GRIK2: variants seen among roughly 807,000 people sequenced by gnomAD.
GRIK2 encodes the protein glutamate ionotropic receptor kainate type subunit 2, also known as glutamate receptor ionotropic, kainate 2.
In GRIK2, 32 loss-of-function variants were observed where a neutral mutation model predicts 100.3. The ratio of observed to expected loss-of-function variants is 0.32; its 90% CI spans 0.24 to 0.43. The LOEUF (loss-of-function observed/expected upper bound fraction) is 0.43, where lower values mean the gene tolerates loss of function less well. GRIK2 is among the 20% of genes least tolerant of loss of function. GRIK2 has a pLI of 1.00. For synonymous variants in GRIK2, 417 were observed against 389.4 expected (o/e 1.07, Z -0.83); for missense variants, 843 against 1,114.9 (o/e 0.76, Z 3.47).
At chr6:101,931,075 G>A (rs1024604982) in intron 14 of GRIK2, among the ~76,000 whole-genome samples, 7 of 152,046 alleles carry the variant, frequency 4.6e-5, no homozygotes, top group African/African-American at 1.4e-4. Flanking sequence ...GAACTCACAA[G>A]ACTACATTAA....
At chr6:101,826,656 C>A (rs1467608166) in intron 10 of GRIK2, among the ~76,000 whole-genome samples, 1 of 151,994 alleles carries the variant, frequency 6.6e-6, no homozygotes, top group Non-Finnish European at 1.5e-5. Context: ...TTGATTCAAA[C>A]TTCAGCTTTT....
chr6:101,938,785 A>G (rs747694420), intron 14 of GRIK2, among the ~76,000 whole-genome samples: 2 of 152,042 alleles, frequency 1.3e-5, no homozygotes, highest in Non-Finnish European at 2.9e-5. Context: ...TGGTTATATA[A>G]TTCATTTTTC....
intron 7 of GRIK2, among the ~76,000 whole-genome samples, chr6:101,728,517 A>G (rs1775028779): frequency 6.6e-6 from 1 of 152,102 alleles, no homozygotes; most frequent in African/African-American, 2.4e-5. Context: ...TATTTATTTA[A>G]CTTAATAGAG....
intron 14 of GRIK2, among the ~76,000 whole-genome samples, chr6:101,965,821 A>G (rs1270861311): frequency 6.6e-6 from 1 of 152,106 alleles, no homozygotes; most frequent in Non-Finnish European, 1.5e-5. Context: ...GAAAGGGAGT[A>G]TAATAACTAA....
chr6:101,875,176 C>G (rs945506036), intron 11 of GRIK2, among the ~76,000 whole-genome samples: 1 of 151,426 alleles, frequency 6.6e-6, no homozygotes, highest in Non-Finnish European at 1.5e-5. Context: ...CTTGTGTAAA[C>G]TGGACATTAA....
intron 2 of GRIK2, among the ~76,000 whole-genome samples, chr6:101,481,531 T>C (rs140102680): frequency 5.5e-4 from 84 of 152,334 alleles, no homozygotes; most frequent in Middle Eastern, 3.4e-3. Flanking sequence ...TAAAATTTCC[T>C]GTTCAGTTAA....
chr6:102,050,999 TA>T (rs1340462277), intron 15 of GRIK2, among the ~76,000 whole-genome samples: 14 of 152,158 alleles, frequency 9.2e-5, no homozygotes, highest in African/African-American at 2.9e-4. Context: ...CAATATTACA[TA>T]AAAATATTTG....
intron 9 of GRIK2, among the ~76,000 whole-genome samples, chr6:101,817,170 A>G (rs1182075367): frequency 6.6e-6 from 1 of 152,168 alleles, no homozygotes; most frequent in Non-Finnish European, 1.5e-5. Flanking sequence ...ATACTGAATT[A>G]CTTGACTTTT....
At chr6:101,863,514 A>G (rs1396207421) in intron 11 of GRIK2, among the ~76,000 whole-genome samples, 3 of 152,196 alleles carry the variant, frequency 2.0e-5, no homozygotes, top group African/African-American at 7.2e-5. Flanking sequence ...AATCATAGAC[A>G]TTCCTTATTA....
intron 7 of GRIK2, among the ~76,000 whole-genome samples, chr6:101,789,181 C>T (rs1260057364): frequency 6.6e-6 from 1 of 152,110 alleles, no homozygotes; most frequent in Non-Finnish European, 1.5e-5. Flanking sequence ...ATAGTAGTTT[C>T]TTTTGCTGTG....
intron 7 of GRIK2, among the ~76,000 whole-genome samples, chr6:101,753,866 C>T (rs1207905784): frequency 3.3e-5 from 5 of 151,828 alleles, no homozygotes; most frequent in Non-Finnish European, 5.9e-5. Context: ...TCTTATGTTA[C>T]TGGATACAAT....
At chr6:101,671,124 G>A (rs1161797918) in intron 4 of GRIK2, among the ~76,000 whole-genome samples, 7 of 152,036 alleles carry the variant, frequency 4.6e-5, no homozygotes, top group African/African-American at 1.7e-4. Flanking sequence ...AAATAATTTT[G>A]TGAGAATGAT....
At chr6:101,813,970 A>G (rs1781485799) in intron 9 of GRIK2, among the ~76,000 whole-genome samples, 1 of 152,008 alleles carries the variant, frequency 6.6e-6, no homozygotes, top group Admixed American at 6.6e-5. Context: ...CTCAAAAAAA[A>G]AAAAAAATGT....
intron 14 of GRIK2, among the ~76,000 whole-genome samples, chr6:102,008,868 G>T (rs1271466807): frequency 6.6e-6 from 1 of 151,900 alleles, no homozygotes. Flanking sequence ...TCAAAATGTT[G>T]TGTTATACAT....
intron 2 of GRIK2, among the ~76,000 whole-genome samples, chr6:101,434,644 T>G (rs1562135306): frequency 6.6e-6 from 1 of 152,134 alleles, no homozygotes; most frequent in Non-Finnish European, 1.5e-5. Context: ...TATTTTATTT[T>G]CCTACTACTT....
In GRIK2 at chr6:101,963,868, C is replaced by T. The variant is rs142482638; in HGVS notation, c.2085+35236C>T. ...CATTATTTCAGAGAGTACCCTTCAA[C>T]TTGAACTTGCCTACATTCTTTTCTA... On this transcript the variant is annotated intron_variant, in intron 14 of 16. Transcript: ENST00000369134. 1.9e-4 allele frequency among the ~76,000 whole-genome samples: 29 copies of T among 152,126 alleles called. No individual in the cohort carries two copies. The East Asian group carries it at 5.2e-3, about 27-fold the overall frequency.
chr6:101,998,097 C>T (rs145057444), intron 14 of GRIK2, among the ~76,000 whole-genome samples: 2 of 152,198 alleles, frequency 1.3e-5, no homozygotes, highest in East Asian at 3.9e-4. Context: ...GTAATATGGA[C>T]CACACACCTT....
intron 2 of GRIK2, among the ~76,000 whole-genome samples, chr6:101,544,660 T>C (rs879782486): frequency 1.3e-5 from 2 of 152,196 alleles, no homozygotes; most frequent in Admixed American, 6.5e-5. Flanking sequence ...CGTCTAACCT[T>C]TGAGTGCCTC....
At chr6:101,525,688 T>G (rs1582642596) in intron 2 of GRIK2, among the ~76,000 whole-genome samples, 1 of 152,286 alleles carries the variant, frequency 6.6e-6, no homozygotes, top group Non-Finnish European at 1.5e-5. Flanking sequence ...TGAGTCAAAC[T>G]TCCTTGTTTC....
Sources: allele counts gnomAD v4.1 joint callset (sites outside exome capture counted in the v4.1 genomes callset), GRCh38; gene constraint gnomAD v4.1.1; transcripts MANE v1.5; gene names NCBI Gene and HGNC (gene_info 2026-07-23, HGNC 2026-07-21).